The following MACROD2 variants were observed in gnomAD, a reference collection of about 807,000 sequenced individuals.
MACROD2 encodes mono-ADP ribosylhydrolase 2, also known as ADP-ribose glycohydrolase MACROD2.
MACROD2 carries 36 observed loss-of-function variants against 70.4 expected under a neutral mutation model. The observed-to-expected ratio is 0.51, with a 90% CI of 0.39 to 0.68. MACROD2 has a LOEUF of 0.68. Among genes scored for constraint, MACROD2 ranks in the 30% least tolerant of loss-of-function variants. The pLI, the probability that MACROD2 is intolerant of heterozygous loss-of-function variation, is 0.00. For missense variants in MACROD2, 496 were observed against 538.4 expected, an observed-to-expected ratio of 0.92 and a Z score of 0.78; for synonymous variants, 172 against 178.8, an observed-to-expected ratio of 0.96 and a Z score of 0.30.
chr20:15,552,224 T>C (rs1467946810), intron 8 of MACROD2: 1 of 152,210 alleles, frequency 6.6e-6, no homozygotes, highest in Non-Finnish European at 1.5e-5. Flanking sequence ...ATTCTTCAGC[T>C]TGTTTATTGA....
chr20:14,070,133 A>C (rs2053818632), intron 2 of MACROD2, among the ~76,000 whole-genome samples: 1 of 152,088 alleles, frequency 6.6e-6, no homozygotes, highest in Admixed American at 6.6e-5. Flanking sequence ...TTTGGAAGGG[A>C]TTTTTGCACA....
intron 8 of MACROD2, among the ~76,000 whole-genome samples, chr20:15,613,922 A>G (rs778442418): frequency 6.6e-6 from 1 of 152,246 alleles, no homozygotes; most frequent in Non-Finnish European, 1.5e-5. Flanking sequence ...TCATGGCTCA[A>G]TAGAGCCACT....
intron 3 of MACROD2, among the ~76,000 whole-genome samples, chr20:14,210,186 A>G (rs2081558989): frequency 6.6e-6 from 1 of 152,218 alleles, no homozygotes; most frequent in African/African-American, 2.4e-5. Flanking sequence ...ATTCTAAGCT[A>G]ACAAAAACCA....
chr20:14,955,697 C>T (rs184865009), intron 5 of MACROD2, among the ~76,000 whole-genome samples: 5 of 152,158 alleles, frequency 3.3e-5, no homozygotes, highest in Admixed American at 6.5e-5. Context: ...CTGCGACCAG[C>T]GCTCCCCCAC....
intron 5 of MACROD2, among the ~76,000 whole-genome samples, chr20:14,907,171 A>G (rs923333875): frequency 6.6e-6 from 1 of 152,216 alleles, no homozygotes; most frequent in Non-Finnish European, 1.5e-5. Context: ...CTGACAACCC[A>G]GAAGTTACCA....
intron 5 of MACROD2, among the ~76,000 whole-genome samples, chr20:14,800,010 T>A (rs2072555166): frequency 6.6e-6 from 1 of 152,046 alleles, no homozygotes; most frequent in Non-Finnish European, 1.5e-5. Flanking sequence ...TATGGAAAGC[T>A]TTAGAATTGT....
At chr20:15,553,577 C>T (rs1298940552) in intron 8 of MACROD2, among the ~76,000 whole-genome samples, 2 of 152,030 alleles carry the variant, frequency 1.3e-5, no homozygotes, top group Non-Finnish European at 2.9e-5. Flanking sequence ...CACCACCATG[C>T]CCAGCTAATT....
intron 3 of MACROD2, among the ~76,000 whole-genome samples, chr20:14,371,937 C>T (rs952822214): frequency 4.6e-5 from 7 of 152,094 alleles, no homozygotes; most frequent in Non-Finnish European, 1.0e-4. Flanking sequence ...CTCCCCCCAA[C>T]CCCTCTGTAT....
At chr20:14,015,871 T>G (rs772936768) in intron 2 of MACROD2, among the ~76,000 whole-genome samples, 1 of 152,246 alleles carries the variant, frequency 6.6e-6, no homozygotes, top group Non-Finnish European at 1.5e-5. Flanking sequence ...GTTTATCCAT[T>G]TAACTGTTGG....
intron 6 of MACROD2, among the ~76,000 whole-genome samples, chr20:15,339,672 C>A (rs2078086163): frequency 6.6e-6 from 1 of 151,778 alleles, no homozygotes; most frequent in South Asian, 2.1e-4. Flanking sequence ...AAGCCAATTT[C>A]TAATACTACA....
intron 5 of MACROD2, among the ~76,000 whole-genome samples, chr20:14,950,009 CTA>C: frequency 6.6e-6 from 1 of 152,224 alleles, no homozygotes; most frequent in South Asian, 2.1e-4. Flanking sequence ...TTTTTTTAGA[CTA>C]TGTGTGCACT....
At chr20:15,798,136 A>G (rs1045255960) in intron 8 of MACROD2, among the ~76,000 whole-genome samples, 2 of 152,190 alleles carry the variant, frequency 1.3e-5, no homozygotes, top group Non-Finnish European at 2.9e-5. Context: ...AATACTGCAT[A>G]TTGTTTCAGT....
intron 7 of MACROD2, among the ~76,000 whole-genome samples, chr20:15,441,406 C>G (rs761166897): frequency 1.3e-5 from 2 of 152,094 alleles, no homozygotes; most frequent in Non-Finnish European, 2.9e-5. Flanking sequence ...CAGGATTCCT[C>G]TAGGGGACCT....
At chr20:14,050,717 A>T (rs1234246477) in intron 2 of MACROD2, among the ~76,000 whole-genome samples, 1 of 152,230 alleles carries the variant, frequency 6.6e-6, no homozygotes, top group Non-Finnish European at 1.5e-5. Flanking sequence ...GGTAGCTAAA[A>T]ATTCAAATCA....
intron 10 of MACROD2, 111 bp downstream of exon 10, chr20:15,885,922 T>C: frequency 8.4e-7 from 1 of 1,191,482 alleles, no homozygotes; most frequent in Non-Finnish European, 1.1e-6. Flanking sequence ...AAAATAGAAA[T>C]ATATGCTCAG....
chr20:15,683,411 A>C (rs1227776273), intron 8 of MACROD2, among the ~76,000 whole-genome samples: 1 of 152,230 alleles, frequency 6.6e-6, no homozygotes, highest in Non-Finnish European at 1.5e-5. Flanking sequence ...ATTCCCATTT[A>C]ATATCTTTCT....
At chr20:14,154,713 A>G (rs1003041516) in intron 3 of MACROD2, among the ~76,000 whole-genome samples, 3 of 151,848 alleles carry the variant, frequency 2.0e-5, no homozygotes, top group Non-Finnish European at 4.4e-5. Flanking sequence ...CGCCCAGCCT[A>G]GTAATACCTT....
chr20:15,276,620 G>T (rs938030306), intron 6 of MACROD2, among the ~76,000 whole-genome samples: 1 of 151,988 alleles, frequency 6.6e-6, no homozygotes. Flanking sequence ...TCTCAACTTC[G>T]CAGTTTCACT....
At chr20:15,917,100 A>T (rs186585058) in intron 10 of MACROD2, among the ~76,000 whole-genome samples, 44 of 152,224 alleles carry the variant, frequency 2.9e-4, no homozygotes, top group Middle Eastern at 6.8e-3. Flanking sequence ...AATCATAGAG[A>T]GGTGCTTGTC....
Sources: allele counts gnomAD v4.1 joint callset (sites outside exome capture counted in the v4.1 genomes callset), GRCh38; gene constraint gnomAD v4.1.1; transcripts MANE v1.5; gene names NCBI Gene and HGNC (gene_info 2026-07-23, HGNC 2026-07-21).